Variants in TRPC5 observed in about 807,000 individuals in gnomAD.
TRPC5 encodes transient receptor potential cation channel subfamily C member 5, also known as short transient receptor potential channel 5.
In TRPC5, 9 loss-of-function variants were observed where a neutral mutation model predicts 56.5. That is an observed-to-expected ratio of 0.16 (90% CI 0.10 to 0.28). The LOEUF is 0.28. TRPC5 is among the 10% of genes least tolerant of loss of function. TRPC5 has a pLI of 1.00. For missense variants in TRPC5, 469 were observed against 748.9 expected, an observed-to-expected ratio of 0.63 and a Z score of 4.36; for synonymous variants, 282 against 278.5, an observed-to-expected ratio of 1.01 and a Z score of -0.13.
At chrX:111,857,773 A>T (rs1346477087) in intron 3 of TRPC5, among the ~76,000 whole-genome samples, 1 of 112,499 alleles carries the variant, frequency 8.9e-6, no homozygotes, top group Non-Finnish European at 1.9e-5. Flanking sequence ...TAGTTTGCCA[A>T]ACTCTGTCCT....
At chrX:111,950,623 G>A (rs1927063075) in intron 2 of TRPC5, among the ~76,000 whole-genome samples, 1 of 111,900 alleles carries the variant, frequency 8.9e-6, no homozygotes, top group Admixed American at 9.5e-5. Context: ...ACTTACTCAT[G>A]TAACCAAACA....
chrX:111,803,539 A>C (rs1366542105), intron 7 of TRPC5, among the ~76,000 whole-genome samples: 3 of 112,086 alleles, frequency 2.7e-5, no homozygotes, highest in Non-Finnish European at 5.6e-5. Context: ...CTCTTTAATG[A>C]TTCTAACTGG....
intron 2 of TRPC5, among the ~76,000 whole-genome samples, chrX:111,928,177 C>G (rs889644950): frequency 9.0e-6 from 1 of 111,565 alleles, no homozygotes; most frequent in Non-Finnish European, 1.9e-5. Context: ...TGTGCCCCAT[C>G]ATGATAAACA....
rs1281240061 is a variant in TRPC5, at chrX:111,773,797, C to CT, written c.*2515dup. ...GTTTATAAATTTACTCTCAAGTTGG[C>CT]TTATAACTCCTCTGGGGTCAGAGGA... On this transcript the variant is annotated 3_prime_UTR_variant, in exon 11 of 11. Transcript: ENST00000262839. Among the ~76,000 whole-genome samples, 1 of 111,397 alleles carries CT rather than the reference C, an allele frequency of 9.0e-6. No homozygotes were observed. Among genetic ancestry groups the CT allele is most frequent in the Non-Finnish European group, 1.9e-5 (1 of 53,043 alleles).
At chrX:111,862,720 C>A (rs995019819) in intron 3 of TRPC5, among the ~76,000 whole-genome samples, 51 of 112,116 alleles carry the variant, frequency 4.5e-4, no homozygotes, top group African/African-American at 1.6e-3. Context: ...ATTGTTTTGA[C>A]ACCCTTGTTG....
chrX:111,779,898 A>AT (rs997481833), intron 9 of TRPC5, among the ~76,000 whole-genome samples: 79 of 110,216 alleles, frequency 7.2e-4, no homozygotes, highest in Middle Eastern at 4.7e-3. Flanking sequence ...TGCAGGAATC[A>AT]TTTTTTTTTG....
intron 2 of TRPC5, among the ~76,000 whole-genome samples, chrX:111,945,603 T>A (rs1298195929): frequency 9.0e-6 from 1 of 111,715 alleles, no homozygotes; most frequent in Non-Finnish European, 1.9e-5. Context: ...AATGAAAGTC[T>A]CCATATCAAA....
rs193024296 is a variant in TRPC5, at chrX:111,815,734, T to C, written c.1896+19187A>G. ...AGACAGAGTGAGAATCACACACACA[T>C]ATATATATATATATATTCAGCAGGC... On this transcript the variant is annotated intron_variant, in intron 7 of 10. Coordinates refer to ENST00000262839, the MANE Select transcript of TRPC5 (RefSeq NM_012471.3). 4.1e-3 allele frequency among the ~76,000 whole-genome samples: 439 copies of C among 106,093 alleles called. 4 individuals are homozygous for C. Among genetic ancestry groups the C allele is most frequent in the African/African-American group, 0.013 (388 of 29,462 alleles). 92.1% of individuals were successfully genotyped at this position (106,093 alleles called of 115,157 possible). A position where few individuals can be genotyped will look rare whatever the true frequency, so the allele number is the denominator to read the frequency against.
intron 7 of TRPC5, among the ~76,000 whole-genome samples, chrX:111,785,031 C>T (rs750697541): frequency 8.9e-5 from 10 of 112,448 alleles, no homozygotes; most frequent in Non-Finnish European, 1.7e-4. Context: ...CAGACTTAAA[C>T]GTCCCTGTCT....
rs1325857336 is a variant in TRPC5 at position 111,905,908 on chromosome X, C to T, written c.900+6383G>A. On this transcript the variant is annotated intron_variant, in intron 3 of 10. Coordinates refer to ENST00000262839, the MANE Select transcript of TRPC5 (RefSeq NM_012471.3). ...CCAGCCTGGGCGACAGAGCGAGTCT[C>T]TGTCTCAAAAAAAAAAAAAAAAAGA... is the stretch of plus-strand genomic sequence containing the variant. 2.0e-4 allele frequency among the ~76,000 whole-genome samples: 16 copies of T among 81,079 alleles called. No homozygotes were observed. In the East Asian group the frequency reaches 5.1e-3, roughly 26 times the overall value. 70.4% of individuals were successfully genotyped at this position (81,079 alleles called of 115,157 possible). A position where few individuals can be genotyped will look rare whatever the true frequency, so the allele number is the denominator to read the frequency against.
intron 3 of TRPC5, among the ~76,000 whole-genome samples, chrX:111,896,976 G>A (rs766145466): frequency 2.7e-5 from 3 of 112,049 alleles, no homozygotes; most frequent in African/African-American, 6.5e-5. Context: ...AATCCAAAAC[G>A]TTTTGAGCAC....
intron 9 of TRPC5, 87 bp downstream of exon 9, chrX:111,781,078 G>T: frequency 1.1e-6 from 1 of 938,048 alleles, no homozygotes; most frequent in Non-Finnish European, 1.5e-6. Flanking sequence ...ATGGGATCGT[G>T]TCCAGACACA....
intron 7 of TRPC5, among the ~76,000 whole-genome samples, chrX:111,804,923 G>C (rs952567700): frequency 8.9e-6 from 1 of 111,991 alleles, no homozygotes. Context: ...TCCTTGTCTT[G>C]TGCCAGTTTT....
intron 7 of TRPC5, among the ~76,000 whole-genome samples, chrX:111,813,116 G>T (rs1035598698): frequency 1.8e-5 from 2 of 112,009 alleles, no homozygotes; most frequent in Non-Finnish European, 1.9e-5. Flanking sequence ...CTATGACTTT[G>T]GAACATTTTC....
chrX:111,939,638 A>G (rs1229927285), intron 2 of TRPC5, among the ~76,000 whole-genome samples: 2 of 111,940 alleles, frequency 1.8e-5, no homozygotes, highest in Non-Finnish European at 3.8e-5. Flanking sequence ...AGTTGAATGC[A>G]TCTAGAAATT....
intron 2 of TRPC5, among the ~76,000 whole-genome samples, chrX:111,944,303 TGAGAGAGAGA>T (rs774055316): frequency 1.1e-4 from 7 of 61,391 alleles, no homozygotes; most frequent in Admixed American, 3.7e-4. Flanking sequence ...TGTGTGTGTG[TGAGAGAGAGA>T]GAGAGAGAGA....
At chrX:111,949,917 C>T (rs967430262) in intron 2 of TRPC5, among the ~76,000 whole-genome samples, 2 of 111,864 alleles carry the variant, frequency 1.8e-5, no homozygotes, top group Middle Eastern at 4.6e-3. Context: ...CAGAACAATT[C>T]ACAATTGCAA....
At chrX:111,864,987 A>G (rs1295741675) in intron 3 of TRPC5, among the ~76,000 whole-genome samples, 2 of 110,730 alleles carry the variant, frequency 1.8e-5, no homozygotes, top group African/African-American at 6.6e-5. Context: ...TTTAAGGAAT[A>G]TAGCAGCTTC....
chrX:111,930,508 C>T (rs771932959), intron 2 of TRPC5, among the ~76,000 whole-genome samples: 2 of 110,617 alleles, frequency 1.8e-5, no homozygotes, highest in Non-Finnish European at 3.8e-5. Flanking sequence ...GGCTGAGGCA[C>T]GAGAATAGCT....
Sources: allele counts gnomAD v4.1 joint callset (sites outside exome capture counted in the v4.1 genomes callset), GRCh38; gene constraint gnomAD v4.1.1; transcripts MANE v1.5; gene names NCBI Gene and HGNC (gene_info 2026-07-23, HGNC 2026-07-21).